The following NCAM2 variants were observed in gnomAD, a reference collection of about 807,000 sequenced individuals.
NCAM2 encodes neural cell adhesion molecule 2, also known as N-CAM-2.
Under a neutral mutation model 98.1 loss-of-function variants are expected in NCAM2, and 30 were observed. That is an observed-to-expected ratio of 0.31 (90% CI 0.23 to 0.41). The LOEUF (loss-of-function observed/expected upper bound fraction) is 0.41, where lower values mean the gene tolerates loss of function less well. Among genes scored for constraint, NCAM2 ranks in the 10% least tolerant of loss-of-function variants. The pLI is 1.00. For missense variants in NCAM2, 867 were observed against 1,005.8 expected (o/e 0.86, Z 1.87); for synonymous variants, 368 against 342.4 (o/e 1.07, Z -0.83).
intron 5 of NCAM2, among the ~76,000 whole-genome samples, chr21:21,319,390 C>A (rs1205091082): frequency 6.6e-6 from 1 of 152,154 alleles, no homozygotes; most frequent in Admixed American, 6.5e-5. Context: ...CGCCTGTAAT[C>A]CCAGCACTTT....
chr21:21,105,057 C>T (rs9978969), intron 1 of NCAM2, among the ~76,000 whole-genome samples: 21,152 of 152,046 alleles, frequency 0.14, 1,568 homozygotes, highest in South Asian at 0.24. Flanking sequence ...ATTAACCATC[C>T]TGAGACGGAA....
intron 1 of NCAM2, among the ~76,000 whole-genome samples, chr21:21,126,301 C>T (rs1331930241): frequency 3.0e-5 from 4 of 132,572 alleles, no homozygotes; most frequent in African/African-American, 5.5e-5. Context: ...CTAGTGAAAA[C>T]ATTTTTTAAA....
rs554474908 is a variant in NCAM2, at chr21:21,248,317, A to G, written c.56-32261A>G. Among the ~76,000 whole-genome samples, 11 of 152,252 alleles carry G rather than the reference A, an allele frequency of 7.2e-5. No homozygotes were observed. The South Asian group carries it at 2.3e-3, about 32-fold the overall frequency. On this transcript the variant is annotated intron_variant, in intron 1 of 17. Coordinates refer to ENST00000400546, the MANE Select transcript of NCAM2 (RefSeq NM_004540.5). ...ACTTTTCTTTCTATTTATTTGATGAATTAAATGTTAATATTCCCTCATCAT... is the reference window on the plus strand; with the variant it reads ...ACTTTTCTTTCTATTTATTTGATGAGTTAAATGTTAATATTCCCTCATCAT...
At chr21:21,054,467 A>G (rs1009850656) in intron 1 of NCAM2, among the ~76,000 whole-genome samples, 4 of 152,022 alleles carry the variant, frequency 2.6e-5, no homozygotes, top group Admixed American at 6.5e-5. Flanking sequence ...ATACTCAAAT[A>G]CTAGCTCATG....
At chr21:21,432,648 A>G (rs2077371519) in intron 12 of NCAM2, among the ~76,000 whole-genome samples, 1 of 151,882 alleles carries the variant, frequency 6.6e-6, no homozygotes, top group African/African-American at 2.4e-5. Context: ...TGTGAAAATG[A>G]TACTGCAAAA....
intron 1 of NCAM2, among the ~76,000 whole-genome samples, chr21:21,200,425 A>G (rs1170021502): frequency 6.8e-6 from 1 of 147,740 alleles, no homozygotes; most frequent in African/African-American, 2.5e-5. Context: ...AAAAAAAAAA[A>G]GCCTTGAAAT....
At position 21,280,623 on chromosome 21, in the gene NCAM2, T is replaced by G. The variant is rs1245880680; in HGVS notation, c.101T>G (p.Val34Gly). ...TISLSKVELSVGESKFFTCTA... is the reference protein window; with the variant it reads ...TISLSKVELSGGESKFFTCTA... ...TCACTTAGCAAAGTAGAGCTTAGTG[T>G]TGGAGAATCTAAATTCTTCACATGT... Residue 34 changes from valine (V) to glycine (G), a missense_variant, in exon 2 of 18, where the codon GTT (valine) becomes GGT (glycine). By Grantham distance (109) the Val-to-Gly change is moderately radical. Around this residue, in one of 5 missense-constraint regions of NCAM2, gnomAD observed 447 missense variants for 495.7 expected, o/e 0.90. Transcript: ENST00000400546. The G allele has an allele frequency of 6.2e-7, 1 of 1,600,198 alleles. No homozygotes were observed. The highest frequency in any genetic ancestry group is 8.5e-7 in the Non-Finnish European group (1 of 1,174,258).
At chr21:21,498,076 T>C (rs893187959) in intron 15 of NCAM2, among the ~76,000 whole-genome samples, 4 of 152,066 alleles carry the variant, frequency 2.6e-5, no homozygotes, top group African/African-American at 7.2e-5. Flanking sequence ...GTATAAACTT[T>C]TATAATTTAT....
intron 1 of NCAM2, among the ~76,000 whole-genome samples, chr21:21,248,732 G>A (rs182185498): frequency 7.6e-4 from 94 of 123,918 alleles, no homozygotes; most frequent in Middle Eastern, 0.013. Context: ...AGCTGAGATT[G>A]TGCCACTGCA....
intron 1 of NCAM2, among the ~76,000 whole-genome samples, chr21:21,039,952 G>A (rs951409999): frequency 2.0e-5 from 3 of 152,140 alleles, no homozygotes; most frequent in African/African-American, 7.2e-5. Context: ...CCCAGAGAGG[G>A]GACTCTGTGA....
chr21:21,485,302 A>C (rs1490802516), intron 15 of NCAM2, among the ~76,000 whole-genome samples: 1 of 152,180 alleles, frequency 6.6e-6, no homozygotes, highest in East Asian at 1.9e-4. Flanking sequence ...AGTTACACCC[A>C]ATTCACTGGA....
chr21:21,459,538 T>C (rs1982652926), intron 12 of NCAM2, among the ~76,000 whole-genome samples: 1 of 148,364 alleles, frequency 6.7e-6, no homozygotes, highest in Admixed American at 6.8e-5. Context: ...ATAATATTGT[T>C]TATATATTAG....
rs532891587 is a variant in NCAM2 at position 21,512,224 on chromosome 21, TG to T, written c.2282+3171del. Among the ~76,000 whole-genome samples, 10 of 152,092 alleles carry T rather than the reference TG, an allele frequency of 6.6e-5. No individual in the cohort carries two copies. In the South Asian group the frequency reaches 2.1e-3, roughly 32 times the overall value. ...GTTTACTCTAGTACTTTCATAGATTTGGTCTTCGATTTAAGTCATTATTCTG... is the reference window on the plus strand; with the variant it reads ...GTTTACTCTAGTACTTTCATAGATTTGTCTTCGATTTAAGTCATTATTCTG... On this transcript the variant is annotated intron_variant, in intron 16 of 17. Transcript: ENST00000400546.
chr21:21,103,829 T>G (rs1213492990), intron 1 of NCAM2, among the ~76,000 whole-genome samples: 2 of 152,104 alleles, frequency 1.3e-5, no homozygotes, highest in Admixed American at 6.6e-5. Flanking sequence ...TTTGTTTTTG[T>G]GTGTTAATGA....
chr21:21,210,435 C>T, intron 1 of NCAM2: 1 of 899,048 alleles, frequency 1.1e-6, no homozygotes. Flanking sequence ...TATTTAAGAG[C>T]ACCAGGACAC....
intron 6 of NCAM2, among the ~76,000 whole-genome samples, chr21:21,331,020 C>A (rs113831507): frequency 3.3e-5 from 5 of 152,202 alleles, no homozygotes; most frequent in African/African-American, 1.2e-4. Context: ...GCCTCTCTTA[C>A]CATTCTCATG....
intron 1 of NCAM2, among the ~76,000 whole-genome samples, chr21:21,225,256 G>T (rs1188347377): frequency 1.3e-5 from 2 of 152,022 alleles, no homozygotes; most frequent in Non-Finnish European, 2.9e-5. Flanking sequence ...GGGCTTGTCA[G>T]GGGGTCGGGA....
chr21:21,048,414 G>C (rs529271200), intron 1 of NCAM2, among the ~76,000 whole-genome samples: 1 of 151,784 alleles, frequency 6.6e-6, no homozygotes, highest in African/African-American at 2.4e-5. Flanking sequence ...GTACAGTGGC[G>C]CAATCTCTGC....
chr21:21,172,415 T>A (rs991929821), intron 1 of NCAM2, among the ~76,000 whole-genome samples: 1 of 152,130 alleles, frequency 6.6e-6, no homozygotes, highest in African/African-American at 2.4e-5. Context: ...ATGTCTTTTT[T>A]CCTAAACTTT....
Sources: gnomAD v4.1 joint callset for allele counts (sites outside exome capture counted in the v4.1 genomes callset) on GRCh38, gnomAD v4.1.1 for gene constraint, gnomAD v4.1.1 regional missense constraint, MANE v1.5 for transcripts, NCBI Gene and HGNC (gene_info 2026-07-23, HGNC 2026-07-21) for gene names.